Variants in PKD1L1 observed in about 807,000 individuals in gnomAD.
PKD1L1 encodes polycystin 1 like 1, transient receptor potential channel interacting, also known as polycystin-1-like protein 1.
Under a neutral mutation model 323.4 loss-of-function variants are expected in PKD1L1, and 236 were observed. The observed-to-expected ratio is 0.73, with a 90% CI of 0.66 to 0.81. The LOEUF is 0.81. PKD1L1 is among the 40% of genes least tolerant of loss of function. PKD1L1 has a pLI of 0.00. For synonymous variants in PKD1L1, 1,344 were observed against 1,335.0 expected, an observed-to-expected ratio of 1.01 and a Z score of -0.15; for missense variants, 3,320 against 3,508.0, an observed-to-expected ratio of 0.95 and a Z score of 1.35.
At position 47,944,791 on chromosome 7, in the gene PKD1L1, C is replaced by T. The variant is rs1293536718; in HGVS notation, c.45-1280G>A. Among the ~76,000 whole-genome samples, 7 of 152,344 alleles carry T rather than the reference C, an allele frequency of 4.6e-5. No individual in the cohort carries two copies. In the South Asian group the frequency reaches 1.4e-3, roughly 32 times the overall value. The stretch of plus-strand genomic sequence containing the variant: ...CTGGTCCCTGGTCATTCCCTTTCAG[C>T]CTGTAGCTCCTTGGGTCCTGAGGTA... On this transcript the variant is annotated intron_variant, in intron 1 of 56. Coordinates refer to ENST00000289672, the MANE Select transcript of PKD1L1 (RefSeq NM_138295.5).
chr7:47,834,420 C>T (rs778973828), intron 39 of PKD1L1, 35 bp from the exon 40 acceptor site: 3 of 1,577,392 alleles, frequency 1.9e-6, no homozygotes, highest in Non-Finnish European at 2.6e-6. Flanking sequence ...ATGTACGATG[C>T]TTTGGGGTGA....
intron 51 of PKD1L1, among the ~76,000 whole-genome samples, chr7:47,808,921 G>A (rs1168352598): frequency 2.0e-5 from 3 of 152,046 alleles, no homozygotes; most frequent in Non-Finnish European, 4.4e-5. Flanking sequence ...TTGTAAACAC[G>A]TTTTTCTTTC....
In PKD1L1 at chr7:47,885,757, C is replaced by T. The variant is rs1480208742; in HGVS notation, c.3134G>A (p.Ser1045Asn). Residue 1045 changes from serine to asparagine, a missense_variant, in exon 18 of 57, where the codon AGC becomes AAC. By Grantham distance (46) the Ser-to-Asn change is conservative (BLOSUM62 1). Coordinates refer to ENST00000289672, the MANE Select transcript of PKD1L1 (RefSeq NM_138295.5). ...GSLDLEPGPQ[S>N]KGSLMTGRSE... ...GCGGCCAGTCATCAGGGATCCCTTG[C>T]TCTGTGGCCCTGGCTCTAGGTCTAG... 1 of 1,614,176 alleles carries T rather than the reference C, an allele frequency of 6.2e-7. No individual in the cohort carries two copies. The highest frequency in any genetic ancestry group is 1.7e-5 in the Admixed American group (1 of 60,016).
At chr7:47,932,273 G>A (rs1787786920) in intron 4 of PKD1L1, among the ~76,000 whole-genome samples, 1 of 152,176 alleles carries the variant, frequency 6.6e-6, no homozygotes, top group Non-Finnish European at 1.5e-5. Flanking sequence ...GGCACTCGAG[G>A]GAGAAGTCTT....
chr7:47,877,098 G>A (rs1219299765), intron 22 of PKD1L1, among the ~76,000 whole-genome samples: 3 of 152,108 alleles, frequency 2.0e-5, no homozygotes, highest in African/African-American at 7.2e-5. Context: ...AAGGGTGAGG[G>A]TAAGTCCGTG....
In PKD1L1 at chr7:47,781,408, TG is replaced by T. The variant is rs368519711; in HGVS notation, c.8527-6243del. On this transcript the variant is annotated intron_variant, in intron 56 of 56. Transcript: ENST00000289672. ...AAAGGTTTTTTTTTTTGTTTTGTTTTGTTTTTTTTTTTTTTTTTGAGACAGA... is the reference window on the plus strand; with the variant it reads ...AAAGGTTTTTTTTTTTGTTTTGTTTTTTTTTTTTTTTTTTTTTGAGACAGA... Among the ~76,000 whole-genome samples, 143 of 78,064 alleles carry T rather than the reference TG, an allele frequency of 1.8e-3. 1 individual carries two copies. Among genetic ancestry groups the T allele is most frequent in the South Asian group, 7.0e-3 (17 of 2,426 alleles). 51.2% of individuals were successfully genotyped at this position (78,064 alleles called of 152,430 possible).
At chr7:47,848,843 G>A (rs1478353448) in intron 31 of PKD1L1, among the ~76,000 whole-genome samples, 1 of 152,062 alleles carries the variant, frequency 6.6e-6, no homozygotes, top group Non-Finnish European at 1.5e-5. Context: ...GTTCTTCACA[G>A]AACTAGACAA....
chr7:47,833,168 T>A lies in PKD1L1; in HGVS notation c.6259A>T (p.Lys2087Ter). The change falls in exon 41 of 57, where the codon AAG (lysine) becomes TAG (stop). Residue 2087 changes from lysine to a stop codon, truncating the protein, a stop_gained. Transcript: ENST00000289672. LOFTEE classifies it high-confidence loss of function. ...TGGTCAGCCCCATGAACCTGCAGCTTAGGGGCTGGACAAGCTGTGCCATTG... is the reference window on the plus strand; with the variant it reads ...TGGTCAGCCCCATGAACCTGCAGCTAAGGGGCTGGACAAGCTGTGCCATTG... ...SDNGTACPAP[K>*]LQVHGADHSR... The A allele has an allele frequency of 6.2e-7, 1 of 1,612,836 alleles. No homozygotes were observed. Among genetic ancestry groups the A allele is most frequent in the Non-Finnish European group, 8.5e-7 (1 of 1,179,546 alleles).
chr7:47,887,274 C>T (rs535159318), intron 17 of PKD1L1, among the ~76,000 whole-genome samples: 65 of 152,262 alleles, frequency 4.3e-4, no homozygotes, highest in Non-Finnish European at 2.8e-4. Flanking sequence ...TGAAGGTCAG[C>T]GGGGGCTTGG....
rs768443527 is a variant in PKD1L1 at position 47,931,240 on chromosome 7, C to A, written c.601G>T (p.Ala201Ser). Residue 201 changes from alanine (A) to serine (S), a missense_variant, in exon 6 of 57, where the codon GCG (alanine) becomes TCG (serine). Coordinates refer to ENST00000289672, the MANE Select transcript of PKD1L1 (RefSeq NM_138295.5). ...SCCVLRLLCC[A>S]EDVATGLLPG... ...AGCAGCCCCGTGGCCACATCCTCCGCACAGCACAGCAGTCTCAGGACACAG... is the reference window on the plus strand; with the variant it reads ...AGCAGCCCCGTGGCCACATCCTCCGAACAGCACAGCAGTCTCAGGACACAG... 36 of 1,614,136 alleles carry A rather than the reference C, an allele frequency of 2.2e-5. No homozygotes were observed. The East Asian group carries it at 7.3e-4, about 33-fold the overall frequency.
chr7:47,903,007 T>C (rs1192643414), intron 12 of PKD1L1, among the ~76,000 whole-genome samples: 2 of 152,182 alleles, frequency 1.3e-5, no homozygotes, highest in East Asian at 3.9e-4. Context: ...AAGGACAGGA[T>C]AGATCCATAG....
chr7:47,943,163 A>AATATAT (rs60168291), intron 2 of PKD1L1, among the ~76,000 whole-genome samples: 16 of 34,146 alleles, frequency 4.7e-4, no homozygotes, highest in South Asian at 1.8e-3. Flanking sequence ...AAAAAAAAAA[A>AATATAT]ATATATATAT....
chr7:47,831,864 C>T (rs531747165), intron 41 of PKD1L1, among the ~76,000 whole-genome samples: 1 of 152,338 alleles, frequency 6.6e-6, no homozygotes, highest in East Asian at 1.9e-4. Flanking sequence ...TGAGGGTCTG[C>T]CCTGATTTGG....
At chr7:47,841,447 G>A (rs1314128953) in intron 34 of PKD1L1, among the ~76,000 whole-genome samples, 1 of 152,102 alleles carries the variant, frequency 6.6e-6, no homozygotes, top group Admixed American at 6.6e-5. Flanking sequence ...TGGCATGACT[G>A]GTCTTGTAAT....
intron 26 of PKD1L1, among the ~76,000 whole-genome samples, chr7:47,861,497 A>G (rs1786021429): frequency 6.6e-6 from 1 of 152,218 alleles, no homozygotes; most frequent in African/African-American, 2.4e-5. Context: ...GGCATCCCGA[A>G]TGCCTACACA....
intron 9 of PKD1L1, 67 bp from the exon 10 acceptor site, chr7:47,906,029 C>T: frequency 1.4e-6 from 2 of 1,396,922 alleles, no homozygotes; most frequent in Non-Finnish European, 1.9e-6. Context: ...TCATGCAACA[C>T]ACAGTCAGTA....
rs764603831 is a variant in PKD1L1, at chr7:47,846,951, C to T, written c.5081G>A (p.Trp1694Ter). ...TTCAGATTTCCACTCTCTCTTGTCCCAAAACAGGCATCGGATCCACTGGAA... is the reference window on the plus strand; with the variant it reads ...TTCAGATTTCCACTCTCTCTTGTCCTAAAACAGGCATCGGATCCACTGGAA... The part of the protein sequence containing the change: ...VHFQWIRCLF[W>*]DKREWKSERF... Residue 1694 changes from tryptophan to a stop codon, truncating the protein, a stop_gained, in exon 32 of 57, where the codon TGG becomes TAG. Coordinates refer to ENST00000289672, the MANE Select transcript of PKD1L1 (RefSeq NM_138295.5). LOFTEE classifies it high-confidence loss of function. 16 of 1,613,878 alleles carry T rather than the reference C, an allele frequency of 9.9e-6. No individual in the cohort carries two copies. The South Asian group carries it at 1.8e-4, about 18-fold the overall frequency.
At chr7:47,937,005 AC>A (rs1787880516) in intron 3 of PKD1L1, 47 bp from the exon 4 acceptor site, 7 of 1,427,258 alleles carry the variant, frequency 4.9e-6, no homozygotes, top group Admixed American at 1.8e-5. Flanking sequence ...GCTTATGAAA[AC>A]CCAGTACATT....
intron 24 of PKD1L1, among the ~76,000 whole-genome samples, chr7:47,867,840 T>C (rs1328661876): frequency 1.3e-5 from 2 of 152,150 alleles, no homozygotes; most frequent in East Asian, 3.8e-4. Context: ...AAAAGAAATG[T>C]TCAAAAGTAA....
Sources: allele counts gnomAD v4.1 joint callset (sites outside exome capture counted in the v4.1 genomes callset), GRCh38; gene constraint gnomAD v4.1.1; transcripts MANE v1.5; gene names NCBI Gene and HGNC (gene_info 2026-07-23, HGNC 2026-07-21).